AGBL4: variants seen among roughly 807,000 people sequenced by gnomAD.
The protein encoded by AGBL4 is cytosolic carboxypeptidase 6.
In AGBL4, 58 loss-of-function variants were observed where a neutral mutation model predicts 66.4. The ratio of observed to expected loss-of-function variants is 0.87; its 90% CI spans 0.71 to 1.09. The LOEUF (loss-of-function observed/expected upper bound fraction) is 1.09. Ranked by LOEUF, AGBL4 falls within the 50% of genes least tolerant of loss-of-function variation. The pLI is 0.00. For missense variants in AGBL4, 579 were observed against 631.0 expected, an observed-to-expected ratio of 0.92 and a Z score of 0.88; for synonymous variants, 234 against 222.9, an observed-to-expected ratio of 1.05 and a Z score of -0.44.
chr1:49,338,202 G>C (rs1281022693), intron 3 of AGBL4, among the ~76,000 whole-genome samples: 3 of 152,132 alleles, frequency 2.0e-5, no homozygotes, highest in African/African-American at 7.2e-5. Context: ...AGTCAGAGGT[G>C]CTTGCAATAG....
chr1:49,978,898 A>G (rs538695508), intron 1 of AGBL4, among the ~76,000 whole-genome samples: 25 of 152,338 alleles, frequency 1.6e-4, no homozygotes, highest in African/African-American at 5.8e-4. Flanking sequence ...TCAAAAAATA[A>G]CATACAGTTG....
chr1:48,626,250 C>G (rs954115460), intron 9 of AGBL4, among the ~76,000 whole-genome samples: 3 of 152,194 alleles, frequency 2.0e-5, no homozygotes, highest in Non-Finnish European at 2.9e-5. Context: ...ACAGGACATT[C>G]CTCTCCACCC....
chr1:48,714,057 C>A (rs937037798), intron 6 of AGBL4, among the ~76,000 whole-genome samples: 8 of 152,138 alleles, frequency 5.3e-5, no homozygotes, highest in African/African-American at 1.9e-4. Context: ...ATAACATGAT[C>A]TTTAGAGAAA....
At chr1:48,960,289 T>C (rs1291771502) in intron 5 of AGBL4, among the ~76,000 whole-genome samples, 2 of 151,958 alleles carry the variant, frequency 1.3e-5, no homozygotes, top group Non-Finnish European at 2.9e-5. Context: ...TTTACAGAAA[T>C]GGGGGAGACT....
chr1:48,719,832 C>T (rs1253424014), intron 6 of AGBL4, among the ~76,000 whole-genome samples: 2 of 152,202 alleles, frequency 1.3e-5, no homozygotes, highest in Admixed American at 6.5e-5. Flanking sequence ...AAGTAACTTG[C>T]CTGAGGTCAC....
At chr1:48,636,077 C>A (rs1645663268) in intron 8 of AGBL4, among the ~76,000 whole-genome samples, 1 of 152,194 alleles carries the variant, frequency 6.6e-6, no homozygotes, top group African/African-American at 2.4e-5. Flanking sequence ...TCAAAATGAA[C>A]TGATGAATAC....
chr1:49,838,632 C>T (rs942955196), intron 2 of AGBL4, among the ~76,000 whole-genome samples: 4 of 152,104 alleles, frequency 2.6e-5, no homozygotes, highest in African/African-American at 9.7e-5. Flanking sequence ...TTTTATGGAG[C>T]ATGAAGAATA....
At chr1:49,560,463 A>G (rs1408633530) in intron 3 of AGBL4, among the ~76,000 whole-genome samples, 1 of 152,140 alleles carries the variant, frequency 6.6e-6, no homozygotes, top group African/African-American at 2.4e-5. Context: ...AAGCACACCT[A>G]AAGATTCTAG....
intron 6 of AGBL4, among the ~76,000 whole-genome samples, chr1:48,678,003 C>T (rs1646394838): frequency 1.3e-5 from 2 of 152,230 alleles, no homozygotes; most frequent in South Asian, 4.1e-4. Flanking sequence ...CAGTTTCTGA[C>T]TGCCTGACAC....
intron 11 of AGBL4, among the ~76,000 whole-genome samples, chr1:48,568,912 C>G (rs1644517432): frequency 6.6e-6 from 1 of 152,180 alleles, no homozygotes; most frequent in East Asian, 1.9e-4. Context: ...ATGCAACAGC[C>G]TTTCCTGACT....
rs770576121 is a variant in AGBL4 at position 49,519,120 on chromosome 1, G to A, written c.282+178193C>T. On this transcript the variant is annotated intron_variant, in intron 3 of 13. Transcript: ENST00000371839. ...GGGTTTCTACTACTTTGAAGTTGGA[G>A]AAAGGCATTGATATGCCATAGAAGA... Among the ~76,000 whole-genome samples the A allele has an allele frequency of 7.2e-5, 11 of 152,068 alleles. 1 individual carries two copies. The highest frequency in any genetic ancestry group is 1.0e-4 in the Non-Finnish European group (7 of 67,984).
chr1:49,120,892 C>T (rs948954218), intron 4 of AGBL4, among the ~76,000 whole-genome samples: 2 of 152,088 alleles, frequency 1.3e-5, no homozygotes, highest in African/African-American at 4.8e-5. Context: ...TTCTTGGAGG[C>T]TTTGTTAATT....
intron 4 of AGBL4, among the ~76,000 whole-genome samples, chr1:49,106,587 T>C (rs567894244): frequency 6.6e-6 from 1 of 152,268 alleles, no homozygotes; most frequent in Admixed American, 6.5e-5. Flanking sequence ...CATAAGTCAA[T>C]ATCTGACCTA....
chr1:49,830,909 G>C (rs1269872843), intron 2 of AGBL4, among the ~76,000 whole-genome samples: 2 of 152,178 alleles, frequency 1.3e-5, no homozygotes, highest in Non-Finnish European at 1.5e-5. Flanking sequence ...TCAAAGATCA[G>C]ATGGTTGTAG....
chr1:49,245,849 T>C lies in AGBL4; in HGVS notation c.298A>G (p.Ile100Val). The C allele has an allele frequency of 6.5e-7, 1 of 1,548,884 alleles. No homozygotes were observed. The highest frequency in any genetic ancestry group is 8.7e-7 in the Non-Finnish European group (1 of 1,144,888). The change falls in exon 4 of 14, where the codon ATT becomes GTT. Residue 100 changes from isoleucine (I) to valine (V), a missense_variant. Coordinates refer to ENST00000371839, the MANE Select transcript of AGBL4 (RefSeq NM_032785.4). ...CTCTTGGTTTTACTGAAGTTAACAA[T>C]GTTGAAAATGACCCTCTGAAAAAGA... ...VKESQRVIFN[I>V]VNFSKTKSLY...
chr1:49,439,370 A>C (rs866427961), intron 3 of AGBL4, among the ~76,000 whole-genome samples: 3 of 152,242 alleles, frequency 2.0e-5, no homozygotes, highest in Non-Finnish European at 4.4e-5. Context: ...TCTCAGGAAT[A>C]AGACTGTACC....
At chr1:48,692,078 T>C (rs1646641774) in intron 6 of AGBL4, among the ~76,000 whole-genome samples, 1 of 152,186 alleles carries the variant, frequency 6.6e-6, no homozygotes, top group Non-Finnish European at 1.5e-5. Flanking sequence ...GAAGTTTTAT[T>C]GTAAAACAAG....
At chr1:49,387,999 A>G (rs1474651178) in intron 3 of AGBL4, among the ~76,000 whole-genome samples, 2 of 152,066 alleles carry the variant, frequency 1.3e-5, no homozygotes, top group Non-Finnish European at 2.9e-5. Context: ...AAGATGCCCA[A>G]TACACAATGT....
chr1:49,336,551 C>A (rs1224639834), intron 3 of AGBL4, among the ~76,000 whole-genome samples: 1 of 152,188 alleles, frequency 6.6e-6, no homozygotes, highest in Non-Finnish European at 1.5e-5. Context: ...TTATTTTCCC[C>A]TTAAGATGTA....
Sources: gnomAD v4.1 joint callset for allele counts (sites outside exome capture counted in the v4.1 genomes callset) on GRCh38, gnomAD v4.1.1 for gene constraint, MANE v1.5 for transcripts, NCBI Gene and HGNC (gene_info 2026-07-23, HGNC 2026-07-21) for gene names.